Variants in GALNT13 observed in about 807,000 individuals in gnomAD.
The protein encoded by GALNT13 is UDP-GalNAc:polypeptide N-acetylgalactosaminyltransferase 13.
GALNT13 carries 28 observed loss-of-function variants against 64.2 expected under a neutral mutation model. The ratio of observed to expected loss-of-function variants is 0.44; its 90% CI spans 0.32 to 0.60. The LOEUF is 0.60. Among genes scored for constraint, GALNT13 ranks in the 20% least tolerant of loss-of-function variants. GALNT13 has a pLI of 0.05. For synonymous variants in GALNT13, 214 were observed against 224.6 expected, an observed-to-expected ratio of 0.95 and a Z score of 0.42; for missense variants, 577 against 669.8, an observed-to-expected ratio of 0.86 and a Z score of 1.53.
At chr2:154,133,765 T>G (rs1364537) in intron 3 of GALNT13, among the ~76,000 whole-genome samples, 37,273 of 150,286 alleles carry the variant, frequency 0.25, 4,895 homozygotes, top group Non-Finnish European at 0.28. Flanking sequence ...CTTCGGGGAG[T>G]TTCATAGACT....
At chr2:153,482,082 G>A in the GALNT13 span, among the ~76,000 whole-genome samples, 1 of 152,018 alleles carries the variant, frequency 6.6e-6, no homozygotes, top group South Asian at 2.1e-4. Context: ...AATAAATGTC[G>A]TAAAAGCTAA....
At chr2:154,227,083 C>T (rs1280111042) in intron 4 of GALNT13, among the ~76,000 whole-genome samples, 1 of 152,074 alleles carries the variant, frequency 6.6e-6, no homozygotes, top group East Asian at 1.9e-4. Flanking sequence ...GGCAACAGAA[C>T]ATATCATCTC....
the GALNT13 span, among the ~76,000 whole-genome samples, chr2:153,096,328 G>T: frequency 2.0e-5 from 3 of 152,080 alleles, 1 homozygote; most frequent in Middle Eastern, 0.01. Context: ...CTAAGGAACA[G>T]AATGTGTATT....
chr2:154,129,651 G>T lies in GALNT13; in HGVS notation c.143-10686G>T, dbSNP rs191800733. ...TATCCTTATATATTATATATAATAC[G>T]TAAAGATACACATCATCTTTATATT... On this transcript the variant is annotated intron_variant, in intron 3 of 12. Coordinates refer to ENST00000392825, the MANE Select transcript of GALNT13 (RefSeq NM_052917.4). Among the ~76,000 whole-genome samples the T allele has an allele frequency of 2.0e-5, 3 of 151,812 alleles. No homozygotes were observed. In the East Asian group the frequency reaches 5.8e-4, roughly 29 times the overall value.
intron 3 of GALNT13, among the ~76,000 whole-genome samples, chr2:154,100,987 T>C (rs1349272368): frequency 6.6e-6 from 1 of 152,124 alleles, no homozygotes; most frequent in African/African-American, 2.4e-5. Context: ...TTTCTAATCT[T>C]ATTTATGTTG....
At chr2:154,338,620 A>G (rs1695586071) in intron 9 of GALNT13, among the ~76,000 whole-genome samples, 1 of 152,118 alleles carries the variant, frequency 6.6e-6, no homozygotes, top group Non-Finnish European at 1.5e-5. Context: ...AAATGTGGGC[A>G]AGAGCCCCTA....
At chr2:153,543,946 T>A in the GALNT13 span, among the ~76,000 whole-genome samples, 2 of 152,216 alleles carry the variant, frequency 1.3e-5, no homozygotes, top group Non-Finnish European at 2.9e-5. Context: ...AGGTGCTTTT[T>A]ATGTGCCGTT....
chr2:154,229,034 A>G (rs1688774164), intron 4 of GALNT13, among the ~76,000 whole-genome samples: 1 of 152,012 alleles, frequency 6.6e-6, no homozygotes, highest in Non-Finnish European at 1.5e-5. Flanking sequence ...TTGTTGCTGT[A>G]TACCCGGGGC....
the GALNT13 span, among the ~76,000 whole-genome samples, chr2:153,497,680 G>A: frequency 2.6e-5 from 4 of 151,718 alleles, no homozygotes; most frequent in African/African-American, 9.7e-5. Flanking sequence ...TGGGATTATA[G>A]GCGCCCACCA....
At chr2:153,668,620 G>A in the GALNT13 span, among the ~76,000 whole-genome samples, 13 of 152,140 alleles carry the variant, frequency 8.5e-5, no homozygotes, top group Non-Finnish European at 1.8e-4. Context: ...AGGGAAGGAA[G>A]CTGGGAACCA....
chr2:153,212,287 T>A, the GALNT13 span, among the ~76,000 whole-genome samples: 1 of 152,112 alleles, frequency 6.6e-6, no homozygotes, highest in Non-Finnish European at 1.5e-5. Context: ...AATAGTAAAA[T>A]CCTCTAATGC....
intron 1 of GALNT13, among the ~76,000 whole-genome samples, chr2:153,898,078 T>C (rs903091837): frequency 6.6e-6 from 1 of 152,086 alleles, no homozygotes; most frequent in African/African-American, 2.4e-5. Context: ...AATTCTGGTA[T>C]CCTTTACCTT....
the GALNT13 span, among the ~76,000 whole-genome samples, chr2:153,294,816 A>G: frequency 2.0e-5 from 3 of 152,204 alleles, no homozygotes; most frequent in African/African-American, 7.2e-5. Flanking sequence ...GACACATCTG[A>G]TGCAAACTCT....
At chr2:153,215,315 GCTGT>G in the GALNT13 span, among the ~76,000 whole-genome samples, 31 of 152,030 alleles carry the variant, frequency 2.0e-4, no homozygotes, top group Non-Finnish European at 3.8e-4. Flanking sequence ...AATGTAAGAA[GCTGT>G]CTATTTCCAC....
At chr2:154,363,586 A>C (rs1697199303) in intron 9 of GALNT13, among the ~76,000 whole-genome samples, 1 of 152,208 alleles carries the variant, frequency 6.6e-6, no homozygotes, top group East Asian at 1.9e-4. Context: ...GAAAAAAAGC[A>C]AAGAACAGTG....
the GALNT13 span, among the ~76,000 whole-genome samples, chr2:153,330,496 G>A: frequency 3.1e-3 from 470 of 152,218 alleles, 19 homozygotes; most frequent in East Asian, 0.082. Context: ...TAGGTTAGAT[G>A]TATTCCTAGA....
At chr2:153,706,749 C>T in the GALNT13 span, among the ~76,000 whole-genome samples, 2 of 152,044 alleles carry the variant, frequency 1.3e-5, no homozygotes, top group Non-Finnish European at 2.9e-5. Context: ...GCAATTGTTC[C>T]TTCCCAATAC....
downstream of GALNT13, among the ~76,000 whole-genome samples, chr2:154,456,387 C>T (rs59041874): frequency 0.99 from 150,969 of 152,146 alleles, 74,917 homozygotes; most frequent in Middle Eastern, 1. Context: ...TTTAAATATT[C>T]ATACATTTTT....
chr2:154,396,035 C>T lies in GALNT13; in HGVS notation c.1201C>T (p.Leu401=), dbSNP rs1699038116. The T allele has an allele frequency of 1.9e-6, 3 of 1,610,660 alleles. No individual in the cohort carries two copies. Among genetic ancestry groups the T allele is most frequent in the Non-Finnish European group, 2.5e-6 (3 of 1,178,408 alleles). Residue 401 remains leucine, a synonymous_variant, in exon 10 of 13, where the codon CTA becomes TTA. Transcript: ENST00000392825. ...DYGDVSVRKT[L]RENLKCKPFS... ...TGGAGATGTGTCAGTCAGAAAAACA[C>T]TAAGAGAAAATCTGAAGTGTAAGCC...
Sources: allele counts gnomAD v4.1 joint callset (sites outside exome capture counted in the v4.1 genomes callset), GRCh38; gene constraint gnomAD v4.1.1; transcripts MANE v1.5; gene names NCBI Gene and HGNC (gene_info 2026-07-23, HGNC 2026-07-21).